Variants in CCDC171 observed in about 807,000 individuals in gnomAD.
CCDC171 encodes the protein coiled-coil domain-containing protein 171.
In CCDC171, 177 loss-of-function variants were observed where a neutral mutation model predicts 168.2. The observed-to-expected ratio is 1.05, with a 90% CI of 0.93 to 1.19. CCDC171 has a LOEUF of 1.19. Among genes scored for constraint, CCDC171 ranks in the 50% most tolerant of loss-of-function variants. The pLI is 0.00. For synonymous variants in CCDC171, 687 were observed against 540.8 expected, an observed-to-expected ratio of 1.27 and a Z score of -3.75; for missense variants, 1,991 against 1,539.0, an observed-to-expected ratio of 1.29 and a Z score of -4.91.
intron 7 of CCDC171, 28 bp downstream of exon 7, chr9:15,623,441 A>C: frequency 6.7e-7 from 1 of 1,496,588 alleles, no homozygotes. Flanking sequence ...TTTATAATAT[A>C]TATGCGTACA....
At chr9:15,633,979 A>T (rs959311492) in intron 7 of CCDC171, among the ~76,000 whole-genome samples, 4 of 151,080 alleles carry the variant, frequency 2.6e-5, no homozygotes, top group Admixed American at 6.6e-5. Context: ...AACAATGAGA[A>T]CACATGGACA....
chr9:16,083,678 T>G, the CCDC171 span, among the ~76,000 whole-genome samples: 1 of 152,290 alleles, frequency 6.6e-6, no homozygotes, highest in South Asian at 2.1e-4. Context: ...GGCCCAGAAA[T>G]TCATATTCCC....
At chr9:15,875,301 C>G (rs985914736) in intron 24 of CCDC171, 43 of 152,032 alleles carry the variant, frequency 2.8e-4, no homozygotes, top group African/African-American at 9.9e-4. Context: ...TTAAAGTACA[C>G]TAATAAACTT....
At chr9:15,762,929 G>A (rs1467573177) in intron 18 of CCDC171, among the ~76,000 whole-genome samples, 2 of 152,114 alleles carry the variant, frequency 1.3e-5, no homozygotes, top group Admixed American at 1.3e-4. Context: ...CACAGGTGGA[G>A]GGAACAGTTC....
intron 7 of CCDC171, among the ~76,000 whole-genome samples, chr9:15,630,537 T>C (rs914789702): frequency 6.6e-6 from 1 of 151,936 alleles, no homozygotes; most frequent in East Asian, 1.9e-4. Flanking sequence ...AAGTCCTGAG[T>C]GACCTACAAA....
At chr9:15,750,808 C>T (rs936235044) in intron 18 of CCDC171, among the ~76,000 whole-genome samples, 2 of 152,078 alleles carry the variant, frequency 1.3e-5, no homozygotes, top group Non-Finnish European at 2.9e-5. Flanking sequence ...TATGACAAAC[C>T]CACAGCCAAT....
chr9:15,683,143 T>C (rs1359184069), intron 10 of CCDC171, among the ~76,000 whole-genome samples: 1 of 152,048 alleles, frequency 6.6e-6, no homozygotes, highest in East Asian at 1.9e-4. Context: ...AGACTTTATA[T>C]TGAAAAGGGA....
At chr9:15,723,206 A>C (rs1198686452) in intron 12 of CCDC171, among the ~76,000 whole-genome samples, 24 of 152,198 alleles carry the variant, frequency 1.6e-4, no homozygotes, top group Admixed American at 1.6e-3. Flanking sequence ...AAGCCTTCCC[A>C]GTAGGACTGC....
intron 3 of CCDC171, among the ~76,000 whole-genome samples, chr9:16,013,139 CTG>C (rs2132993486): frequency 6.6e-6 from 1 of 152,324 alleles, no homozygotes; most frequent in South Asian, 2.1e-4. Context: ...GATAGCTATA[CTG>C]TCTTTCCAGT....
In CCDC171 at chr9:16,000,023, A is replaced by G. The variant is rs1832492707; in HGVS notation, n.369-20566A>G. The stretch of plus-strand genomic sequence containing the variant: ...AGCTGTAACTATTCTGACAAAATCT[A>G]ATATTTATGGCAAAAGCATAATGCC... On this transcript the variant is annotated intron_variant and non_coding_transcript_variant, in intron 3 of 9. Coordinates refer to the CCDC171 transcript ENST00000486641. 6.6e-5 allele frequency among the ~76,000 whole-genome samples: 10 copies of G among 152,282 alleles called. No homozygotes were observed. The South Asian group carries it at 2.1e-3, about 32-fold the overall frequency.
At chr9:16,068,896 C>T in the CCDC171 span, among the ~76,000 whole-genome samples, 1 of 152,196 alleles carries the variant, frequency 6.6e-6, no homozygotes. Context: ...GTCCCGCCTG[C>T]CTCCTGGCTC....
chr9:15,858,756 T>A (rs1421801810), intron 23 of CCDC171, among the ~76,000 whole-genome samples: 1 of 152,092 alleles, frequency 6.6e-6, no homozygotes, highest in African/African-American at 2.4e-5. Context: ...AATACTGAAC[T>A]AGGATGTTCC....
rs145093833 is a variant in CCDC171 at position 15,790,172 on chromosome 9, C to T, written c.3267+5478C>T. Among the ~76,000 whole-genome samples, 1,071 of 152,284 alleles carry T rather than the reference C, an allele frequency of 7.0e-3. 36 individuals are homozygous for T. The highest frequency in any genetic ancestry group is 0.058 in the East Asian group (301 of 5,184). On this transcript the variant is annotated intron_variant, in intron 21 of 25. Transcript: ENST00000380701. Reference sequence around the variant, plus strand: ...TTGTTCTAGATACTTGAGGAATTGCCGCATTGTCTTCCACAATGGTTGAAC... The same window carrying T: ...TTGTTCTAGATACTTGAGGAATTGCTGCATTGTCTTCCACAATGGTTGAAC...
chr9:15,781,419 A>T (rs544207893), intron 20 of CCDC171, among the ~76,000 whole-genome samples: 29 of 152,148 alleles, frequency 1.9e-4, no homozygotes, highest in Admixed American at 9.2e-4. Context: ...TTTTTACTTT[A>T]TTTTACCTTA....
chr9:15,786,887 C>G (rs2057989971), intron 21 of CCDC171, among the ~76,000 whole-genome samples: 1 of 152,144 alleles, frequency 6.6e-6, no homozygotes. Context: ...TAACCACCTT[C>G]AACTGTAGCT....
intron 2 of CCDC171, among the ~76,000 whole-genome samples, chr9:15,567,210 C>G (rs558917640): frequency 6.6e-6 from 1 of 151,924 alleles, no homozygotes; most frequent in African/African-American, 2.4e-5. Context: ...TTAGTAGAGA[C>G]GGGGTTTCAC....
the CCDC171 span, among the ~76,000 whole-genome samples, chr9:16,086,009 C>G: frequency 2.1e-5 from 3 of 145,176 alleles, no homozygotes; most frequent in South Asian, 4.4e-4. Flanking sequence ...TTCTCTTTTT[C>G]TGTTGTTTGG....
intron 11 of CCDC171, among the ~76,000 whole-genome samples, chr9:15,699,466 C>G (rs916006025): frequency 6.6e-6 from 1 of 152,134 alleles, no homozygotes; most frequent in African/African-American, 2.4e-5. Context: ...TTTTTATTCT[C>G]TTATCCGGCC....
chr9:15,938,964 T>C (rs1233584329), intron 25 of CCDC171, among the ~76,000 whole-genome samples: 1 of 151,832 alleles, frequency 6.6e-6, no homozygotes, highest in South Asian at 2.1e-4. Context: ...TGCTTTGATA[T>C]ATCATTTTGT....
Sources: allele counts gnomAD v4.1 joint callset (sites outside exome capture counted in the v4.1 genomes callset), GRCh38; gene constraint gnomAD v4.1.1; transcripts MANE v1.5; gene names NCBI Gene and HGNC (gene_info 2026-07-23, HGNC 2026-07-21).